Variants in MTOR observed in about 807,000 individuals in gnomAD.
MTOR encodes the protein serine/threonine-protein kinase mTOR.
A neutral mutation model predicts 319.8 loss-of-function variants in MTOR; 70 were observed. The observed-to-expected ratio is 0.22, with a 90% CI of 0.18 to 0.27. The LOEUF (loss-of-function observed/expected upper bound fraction) is 0.27, where lower values mean the gene tolerates loss of function less well. Among genes scored for constraint, MTOR ranks in the 10% least tolerant of loss-of-function variants. The pLI, the probability that MTOR is intolerant of heterozygous loss-of-function variation, is 1.00. For missense variants in MTOR, 1,890 were observed against 3,274.4 expected (o/e 0.58, Z 10.32); for synonymous variants, 1,183 against 1,211.4 (o/e 0.98, Z 0.49).
chr1:11,192,451 AC>A, intron 28 of MTOR: 2 of 1,249,382 alleles, frequency 1.6e-6, no homozygotes, highest in Non-Finnish European at 2.3e-6. Context: ...AGGGCCATTC[AC>A]AGTTTAAAGA....
At chr1:11,203,105 C>T (rs1296386864) in intron 26 of MTOR, among the ~76,000 whole-genome samples, 1 of 151,436 alleles carries the variant, frequency 6.6e-6, no homozygotes, top group Non-Finnish European at 1.5e-5. Context: ...CCCAGCTACT[C>T]GGGAGGCTGA....
chr1:11,173,295 ACT>A (rs1218578279), intron 28 of MTOR, among the ~76,000 whole-genome samples: 1 of 147,762 alleles, frequency 6.8e-6, no homozygotes, highest in African/African-American at 2.5e-5. Context: ...CGCCTAGCCC[ACT>A]CTCTTTTTTT....
At position 11,205,727 on chromosome 1, in the gene MTOR, C is replaced by T. The variant is rs998943608; in HGVS notation, c.3802-1024G>A. Among the ~76,000 whole-genome samples the T allele has an allele frequency of 2.6e-5, 4 of 152,206 alleles. No homozygotes were observed. The East Asian group carries it at 5.8e-4, about 22-fold the overall frequency. ...AAAATGATTGTTATTATTGTCAAAA[C>T]AACACCTATTTGAACTGGCCTAGGC... On this transcript the variant is annotated intron_variant, in intron 25 of 57. Transcript: ENST00000361445.
chr1:11,159,025 G>C (rs1644396420), intron 29 of MTOR, among the ~76,000 whole-genome samples: 1 of 152,152 alleles, frequency 6.6e-6, no homozygotes, highest in Non-Finnish European at 1.5e-5. Context: ...AATAATCCTG[G>C]AGCTAATGGC....
chr1:11,134,497 T>C (rs1409218452), intron 36 of MTOR, 31 bp from the exon 37 acceptor site: 4 of 1,604,484 alleles, frequency 2.5e-6, no homozygotes, highest in Non-Finnish European at 3.4e-6. Context: ...AGAGAGCCAC[T>C]TGGCTTGTGG....
At position 11,253,811 on chromosome 1, in the gene MTOR, T is replaced by C. The variant is rs772835786; in HGVS notation, c.840+28A>G. 4 of 1,613,424 alleles carry C rather than the reference T, an allele frequency of 2.5e-6. No homozygotes were observed. The Admixed American group carries it at 5.0e-5, about 20-fold the overall frequency. On this transcript the variant is annotated intron_variant, in intron 6 of 57. Transcript: ENST00000361445. ...CTCACAGAATGGTACACGGGGAGCCTGGACTCCCCTCTGCCGTGGCTTCTC... is the reference window on the plus strand; with the variant it reads ...CTCACAGAATGGTACACGGGGAGCCCGGACTCCCCTCTGCCGTGGCTTCTC...
In MTOR at chr1:11,145,054, G is replaced by GA. The variant is rs769363376; in HGVS notation, c.4687-10dup. The GA allele has an allele frequency of 2.9e-5, 47 of 1,613,738 alleles. No individual in the cohort carries two copies. The highest frequency in any genetic ancestry group is 3.4e-5 in the Non-Finnish European group (40 of 1,179,816). On this transcript the variant is annotated splice_polypyrimidine_tract_variant and intron_variant, in intron 32 of 57. Transcript: ENST00000361445. ...CTGGCCTTGTCAATGCACTAGAAGA[G>GA]AAACAACCCTTGGGACTGAGCTCTG...
At chr1:11,134,237 AAG>A (rs1643298921) in intron 37 of MTOR, 112 bp downstream of exon 37, 1 of 841,050 alleles carries the variant, frequency 1.2e-6, no homozygotes, top group Admixed American at 2.3e-5. Flanking sequence ...TGGAAAAGGA[AAG>A]AGAGATGTCA....
rs373712191 is a variant in MTOR at position 11,167,430 on chromosome 1, T to C, written c.4329+12A>G. 143 of 1,610,630 alleles carry C rather than the reference T, an allele frequency of 8.9e-5. No individual in the cohort carries two copies. The highest frequency in any genetic ancestry group is 1.2e-4 in the Admixed American group (7 of 59,996). ...CTACCTCCTGCTTTTCCAAAAAGAATGAGGTGCTTACCAGCTCTCCAAAGT... is the reference window on the plus strand; with the variant it reads ...CTACCTCCTGCTTTTCCAAAAAGAACGAGGTGCTTACCAGCTCTCCAAAGT... On this transcript the variant is annotated intron_variant, in intron 29 of 57. Coordinates refer to ENST00000361445, the MANE Select transcript of MTOR (RefSeq NM_004958.4).
At chr1:11,230,846 T>C in intron 18 of MTOR, 79 bp downstream of exon 18, 1 of 1,591,920 alleles carries the variant, frequency 6.3e-7, no homozygotes, top group Non-Finnish European at 8.6e-7. Context: ...GTAATCCAGC[T>C]CCAGACTTTC....
intron 6 of MTOR, among the ~76,000 whole-genome samples, chr1:11,252,098 C>G (rs905850409): frequency 1.3e-5 from 2 of 152,134 alleles, no homozygotes; most frequent in Admixed American, 6.5e-5. Context: ...TGCAGATGCT[C>G]AAGTCCCTCC....
chr1:11,232,883 T>C, intron 15 of MTOR: 1 of 549,454 alleles, frequency 1.8e-6, no homozygotes, highest in Non-Finnish European at 3.2e-6. Context: ...AACAAATAAA[T>C]AAAATAAAAA....
At chr1:11,197,252 G>A (rs960777487) in intron 28 of MTOR, among the ~76,000 whole-genome samples, 6 of 152,140 alleles carry the variant, frequency 3.9e-5, no homozygotes, top group African/African-American at 1.4e-4. Flanking sequence ...ATTTCCATGA[G>A]GCTCACCCAC....
intron 34 of MTOR, among the ~76,000 whole-genome samples, chr1:11,141,821 C>T (rs904478456): frequency 5.4e-5 from 8 of 149,448 alleles, no homozygotes; most frequent in Non-Finnish European, 8.9e-5. Context: ...CCCGTCTCTA[C>T]TAAAAAATAA....
chr1:11,147,546 C>A (rs1041045371), intron 31 of MTOR, among the ~76,000 whole-genome samples: 2 of 152,250 alleles, frequency 1.3e-5, no homozygotes, highest in Non-Finnish European at 2.9e-5. Flanking sequence ...CATTTTCCTG[C>A]CTCTCACTCC....
At position 11,240,522 on chromosome 1, in the gene MTOR, C is replaced by A; in HGVS notation, c.1567G>T (p.Asp523Tyr). 1 of 1,614,030 alleles carries A rather than the reference C, an allele frequency of 6.2e-7. No homozygotes were observed. Among genetic ancestry groups the A allele is most frequent in the South Asian group, 1.1e-5 (1 of 91,032 alleles). The change falls in exon 11 of 58, where the codon GAC (aspartate) becomes TAC (tyrosine). Residue 523 changes from aspartate (D) to tyrosine (Y), a missense_variant. Asp to Tyr is a radical substitution (Grantham distance 160, BLOSUM62 -3). Around this residue, in one of 15 missense-constraint regions of MTOR, gnomAD observed 418 missense variants for 543.1 expected, o/e 0.77. Transcript: ENST00000361445. ...AGCTGTGGAATCTGACGGCTCAGGT[C>A]GTAGAGCACTGCAGTGAGGGCAGGG... ...LSPALTAVLYDLSRQIPQLKK... is the reference protein window; with the variant it reads ...LSPALTAVLYYLSRQIPQLKK...
chr1:11,209,234 G>A, intron 25 of MTOR, 78 bp downstream of exon 25: 3 of 1,580,316 alleles, frequency 1.9e-6, no homozygotes, highest in South Asian at 1.1e-5. Context: ...CGGTTGCCCA[G>A]TTTAAACAGT....
At chr1:11,238,372 C>T in intron 12 of MTOR, 30 bp downstream of exon 12, 1 of 1,610,284 alleles carries the variant, frequency 6.2e-7, no homozygotes, top group Non-Finnish European at 8.5e-7. Flanking sequence ...CCTTAACTCC[C>T]CTAGATTCCT....
chr1:11,250,393 A>C (rs1242574509), intron 6 of MTOR, among the ~76,000 whole-genome samples: 2 of 152,226 alleles, frequency 1.3e-5, no homozygotes, highest in Non-Finnish European at 2.9e-5. Context: ...TGCTAAATCC[A>C]ATGGTCAATT....
Sources: allele counts gnomAD v4.1 joint callset (sites outside exome capture counted in the v4.1 genomes callset), GRCh38; gene constraint gnomAD v4.1.1; regional missense constraint gnomAD v4.1.1; transcripts MANE v1.5; gene names NCBI Gene and HGNC (gene_info 2026-07-23, HGNC 2026-07-21).